SLC8A1: variants seen among roughly 807,000 people sequenced by gnomAD.
SLC8A1 encodes the protein sodium/calcium exchanger 1.
Under a neutral mutation model 68.3 loss-of-function variants are expected in SLC8A1, and 18 were observed. That is an observed-to-expected ratio of 0.26 (90% CI 0.18 to 0.39). SLC8A1 has a LOEUF of 0.39. SLC8A1 is among the 10% of genes least tolerant of loss of function. The pLI, the probability that SLC8A1 is intolerant of heterozygous loss-of-function variation, is 1.00. For synonymous variants in SLC8A1, 475 were observed against 415.5 expected (o/e 1.14, Z -1.74); for missense variants, 985 against 1,156.7 (o/e 0.85, Z 2.15).
intron 3 of SLC8A1, among the ~76,000 whole-genome samples, chr2:40,176,422 C>T (rs1043153005): frequency 2.6e-4 from 39 of 152,152 alleles, no homozygotes; most frequent in Non-Finnish European, 5.4e-4. Flanking sequence ...AAAGTGCTTT[C>T]TCCTGTATGT....
chr2:40,338,341 G>C (rs561504165), intron 2 of SLC8A1, among the ~76,000 whole-genome samples: 5 of 152,132 alleles, frequency 3.3e-5, no homozygotes, highest in Admixed American at 6.5e-5. Flanking sequence ...GTGTGTGTGT[G>C]TATATATGTC....
intron 2 of SLC8A1, among the ~76,000 whole-genome samples, chr2:40,402,996 T>A (rs1401441389): frequency 6.6e-6 from 1 of 152,190 alleles, no homozygotes; most frequent in African/African-American, 2.4e-5. Flanking sequence ...TTTCCCCTAA[T>A]TAGACATTTG....
intron 2 of SLC8A1, among the ~76,000 whole-genome samples, chr2:40,230,831 T>A (rs533384437): frequency 6.6e-6 from 1 of 152,322 alleles, no homozygotes; most frequent in South Asian, 2.1e-4. Flanking sequence ...ACAGCCACTT[T>A]GTCATTTTTT....
chr2:40,407,304 G>C (rs192609694), intron 2 of SLC8A1, among the ~76,000 whole-genome samples: 154 of 152,290 alleles, frequency 1.0e-3, no homozygotes, highest in African/African-American at 3.6e-3. Context: ...GACCTCCAGT[G>C]ATCTGCCCGC....
In SLC8A1 at chr2:40,277,806, A is replaced by G. The variant is rs1017354715; in HGVS notation, c.1809-99951T>C. Among the ~76,000 whole-genome samples, 379 of 98,672 alleles carry G rather than the reference A, an allele frequency of 3.8e-3. 3 individuals are homozygous for G. Among genetic ancestry groups the G allele is most frequent in the Middle Eastern group, 0.01 (2 of 192 alleles). 64.7% of individuals were successfully genotyped at this position (98,672 alleles called of 152,430 possible). On this transcript the variant is annotated intron_variant, in intron 2 of 7. Transcript: ENST00000406785. The stretch of plus-strand genomic sequence containing the variant: ...TATATATATGTGTGTATATATATAT[A>G]TATATATATATATATATATATATAT...
At chr2:40,212,168 G>A (rs1362570484) in intron 2 of SLC8A1, among the ~76,000 whole-genome samples, 1 of 150,254 alleles carries the variant, frequency 6.7e-6, no homozygotes, top group Non-Finnish European at 1.5e-5. Context: ...GAGAGAGACA[G>A]AGAAAGAGAC....
chr2:40,418,010 T>A (rs575873805), intron 2 of SLC8A1, among the ~76,000 whole-genome samples: 14 of 152,136 alleles, frequency 9.2e-5, no homozygotes, highest in Non-Finnish European at 1.9e-4. Context: ...ATAGAATTAA[T>A]AACCAAATAA....
intron 2 of SLC8A1, among the ~76,000 whole-genome samples, chr2:40,252,836 G>GGATA (rs2063019293): frequency 7.2e-6 from 1 of 139,656 alleles, no homozygotes; most frequent in African/African-American, 2.7e-5. Context: ...ATATACATGT[G>GGATA]TATACATATA....
intron 2 of SLC8A1, among the ~76,000 whole-genome samples, chr2:40,346,064 A>G (rs949736361): frequency 4.0e-5 from 6 of 150,180 alleles, no homozygotes; most frequent in East Asian, 1.9e-4. Context: ...AAAAAAAAAA[A>G]AAAAAAAAAG....
chr2:40,161,857 T>C (rs1368052217), intron 5 of SLC8A1, among the ~76,000 whole-genome samples: 1 of 152,190 alleles, frequency 6.6e-6, no homozygotes, highest in Non-Finnish European at 1.5e-5. Context: ...GAAAACACAT[T>C]ATTTGTCATA....
chr2:40,168,489 A>G (rs2046925887), intron 4 of SLC8A1, among the ~76,000 whole-genome samples: 1 of 152,186 alleles, frequency 6.6e-6, no homozygotes, highest in African/African-American at 2.4e-5. Context: ...TGGCAGCTGT[A>G]TAGATTCTAT....
chr2:40,164,315 TGCAG>T (rs1444006093), intron 5 of SLC8A1, among the ~76,000 whole-genome samples: 6 of 152,344 alleles, frequency 3.9e-5, no homozygotes, highest in African/African-American at 1.4e-4. Context: ...AAACTCCGGT[TGCAG>T]GCACTCTGCA....
At chr2:40,346,713 A>G (rs967564618) in intron 2 of SLC8A1, among the ~76,000 whole-genome samples, 18 of 152,196 alleles carry the variant, frequency 1.2e-4, no homozygotes, top group African/African-American at 4.1e-4. Context: ...AATGACCTCT[A>G]TGGCTAAATT....
chr2:40,472,768 A>G (rs188315567), intron 1 of SLC8A1, among the ~76,000 whole-genome samples: 7 of 152,326 alleles, frequency 4.6e-5, no homozygotes, highest in Admixed American at 4.6e-4. Context: ...GAGTTAACAT[A>G]ACCAATCAGT....
chr2:40,330,242 T>C (rs776159395), intron 2 of SLC8A1, among the ~76,000 whole-genome samples: 17 of 151,962 alleles, frequency 1.1e-4, no homozygotes, highest in Admixed American at 2.6e-4. Flanking sequence ...TGATAGTATA[T>C]GTTTTTGTCT....
At chr2:40,194,562 G>T (rs781751062) in intron 2 of SLC8A1, among the ~76,000 whole-genome samples, 4 of 151,478 alleles carry the variant, frequency 2.6e-5, no homozygotes, top group Non-Finnish European at 5.9e-5. Context: ...GACAGAGATA[G>T]AATAAAATGT....
intron 2 of SLC8A1, among the ~76,000 whole-genome samples, chr2:40,385,835 C>T (rs1465918505): frequency 2.0e-5 from 3 of 151,036 alleles, no homozygotes; most frequent in Non-Finnish European, 4.4e-5. Context: ...TAAAATAGTC[C>T]TGGAAATTAT....
chr2:40,131,856 C>CTTTT (rs1323988490), intron 7 of SLC8A1, among the ~76,000 whole-genome samples: 1 of 49,284 alleles, frequency 2.0e-5, no homozygotes, highest in African/African-American at 6.4e-5. Flanking sequence ...TCTTGGTATT[C>CTTTT]TATTTTTTTT....
rs140974220 is a variant in SLC8A1, at chr2:40,275,854, A to G, written c.1809-97999T>C. 1.0e-3 allele frequency among the ~76,000 whole-genome samples: 159 copies of G among 152,228 alleles called. 2 individuals carry two copies. Among genetic ancestry groups the G allele is most frequent in the African/African-American group, 3.7e-3 (152 of 41,548 alleles). On this transcript the variant is annotated intron_variant, in intron 2 of 7. Coordinates refer to ENST00000406785, the Ensembl canonical transcript of SLC8A1. ...CAGGCTGGATGGATGTTGTTGGTGAAGTGGGGCATGGTGGTTTCCTATTCC... is the reference window on the plus strand; with the variant it reads ...CAGGCTGGATGGATGTTGTTGGTGAGGTGGGGCATGGTGGTTTCCTATTCC...
Sources: allele counts gnomAD v4.1 joint callset (sites outside exome capture counted in the v4.1 genomes callset), GRCh38; gene constraint gnomAD v4.1.1; transcripts MANE v1.5; gene names NCBI Gene and HGNC (gene_info 2026-07-23, HGNC 2026-07-21).